The following DCAF6 variants were observed in gnomAD, a reference collection of about 807,000 sequenced individuals.
The protein encoded by DCAF6 is DDB1 and CUL4 associated factor 6, also known as DDB1- and CUL4-associated factor 6.
Under a neutral mutation model 125.1 loss-of-function variants are expected in DCAF6, and 54 were observed. The ratio of observed to expected loss-of-function variants is 0.43; its 90% CI spans 0.35 to 0.54. The LOEUF is 0.54. DCAF6 is among the 20% of genes least tolerant of loss of function. The pLI, the probability that DCAF6 is intolerant of heterozygous loss-of-function variation, is 0.01. For synonymous variants in DCAF6, 371 were observed against 390.4 expected (o/e 0.95, Z 0.58); for missense variants, 934 against 1,161.7 (o/e 0.80, Z 2.85).
At chr1:168,014,862 T>C (rs1392619394) in intron 10 of DCAF6, among the ~76,000 whole-genome samples, 1 of 152,196 alleles carries the variant, frequency 6.6e-6, no homozygotes, top group African/African-American at 2.4e-5. Flanking sequence ...TGGTGCCTTA[T>C]GAGAGAAGCT....
intron 12 of DCAF6, 51 bp from the exon 13 acceptor site, chr1:168,038,320 C>T: frequency 7.3e-7 from 1 of 1,363,238 alleles, no homozygotes; most frequent in Non-Finnish European, 1.0e-6. Flanking sequence ...GAAATGTCAT[C>T]TTTTTACTGG....
chr1:167,918,203 G>C, the DCAF6 span: 1 of 700,252 alleles, frequency 1.4e-6, no homozygotes, highest in South Asian at 2.2e-5. Context: ...TCAAGAACTA[G>C]CTACCAGTTA....
the DCAF6 span, among the ~76,000 whole-genome samples, chr1:167,874,602 G>A: frequency 2.6e-4 from 37 of 141,944 alleles, no homozygotes; most frequent in Non-Finnish European, 4.5e-4. Context: ...TCAGTCCTAC[G>A]TTTTACTCCT....
In DCAF6 at chr1:167,966,555, G is replaced by A. The variant is rs552839485; in HGVS notation, c.160-74G>A. The A allele has an allele frequency of 3.2e-4, 309 of 955,798 alleles. 3 individuals are homozygous for A. In the South Asian group the frequency reaches 3.6e-3, roughly 11 times the overall value. 59.2% of individuals were successfully genotyped at this position (955,798 alleles called of 1,614,324 possible). On this transcript the variant is annotated intron_variant, in intron 2 of 21. Transcript: ENST00000367840. ...TCATTAGTGGTAAAAATTTTGTACC[G>A]CCAGGTGAGTGAAAGATGGCATATT...
Position 167,955,870 on chromosome 1 carries a change from C to G in DCAF6, c.159+4009C>G, listed in dbSNP as rs141036819. Among the ~76,000 whole-genome samples, 47 of 152,196 alleles carry G rather than the reference C, an allele frequency of 3.1e-4. No individual in the cohort carries two copies. The East Asian group carries it at 8.9e-3, about 29-fold the overall frequency. Reference sequence around the variant, plus strand: ...CGACCTCCTGGGCTCAAGCTATCTTCCCACCTCAGCCTCCTGAGTTAGCTG... The same window carrying G: ...CGACCTCCTGGGCTCAAGCTATCTTGCCACCTCAGCCTCCTGAGTTAGCTG... On this transcript the variant is annotated intron_variant, in intron 2 of 21. Transcript: ENST00000367840.
chr1:168,022,951 T>C lies in DCAF6; in HGVS notation c.1550-37T>C, dbSNP rs963157485. On this transcript the variant is annotated intron_variant, in intron 11 of 21. Transcript: ENST00000367840. ...ATGACATTGCTGTGCAGTTTTCTGC[T>C]GCTTACTTTTAAGTTGAAATCTCAT... 4 of 1,596,464 alleles carry C rather than the reference T, an allele frequency of 2.5e-6. No homozygotes were observed. In the African/African-American group the frequency reaches 5.4e-5, roughly 21 times the overall value.
At chr1:168,042,998 G>T (rs1688741488) in intron 13 of DCAF6, 27 bp from the exon 14 acceptor site, 4 of 1,506,286 alleles carry the variant, frequency 2.7e-6, no homozygotes, top group Non-Finnish European at 3.7e-6. Context: ...CTTCTTGGTG[G>T]AATCACTTAT....
chr1:167,913,134 GGTACT>G, the DCAF6 span, among the ~76,000 whole-genome samples: 134 of 152,292 alleles, frequency 8.8e-4, no homozygotes, highest in Non-Finnish European at 1.7e-3. Context: ...GAACAGCATG[GGTACT>G]GACAAAGCGC....
chr1:167,925,442 C>CATATAT, the DCAF6 span, among the ~76,000 whole-genome samples: 4,649 of 82,060 alleles, frequency 0.057, 164 homozygotes, highest in Non-Finnish European at 0.073. Context: ...TACATATACA[C>CATATAT]ATATATATAT....
intron 17 of DCAF6, chr1:168,056,454 G>GTTTGTAAGAA: frequency 8.5e-7 from 1 of 1,173,544 alleles, no homozygotes; most frequent in Non-Finnish European, 1.1e-6. Context: ...GCAGCGCTAC[G>GTTTGTAAGAA]CCTCGGCCAC....
rs1671337963 is a variant in DCAF6 at position 167,936,966 on chromosome 1, C to T, written c.55C>T (p.Leu19Phe). 6.2e-7 allele frequency: 1 copy of T among 1,611,276 alleles called. No homozygotes were observed. The highest frequency in any genetic ancestry group is 2.2e-5 in the East Asian group (1 of 44,806). ...HLLWDVRKRS[L>F]GLEDPSRLRS... ...GTTGTGGGACGTGAGGAAAAGGTCC[C>T]TCGGGCTGGAGGACCCGTCCCGGCT... Residue 19 changes from leucine to phenylalanine, a missense_variant, in exon 1 of 22, where the codon CTC (leucine) becomes TTC (phenylalanine). Physicochemically the swap from Leu to Phe is conservative, Grantham distance 22. This residue lies in a region of DCAF6 where 309 missense variants were observed against 381.2 expected (regional missense o/e 0.81). Coordinates refer to ENST00000367840, the MANE Select transcript of DCAF6 (RefSeq NM_001198956.2).
At chr1:167,989,906 T>C (rs1182105772) in intron 5 of DCAF6, among the ~76,000 whole-genome samples, 1 of 152,000 alleles carries the variant, frequency 6.6e-6, no homozygotes. Context: ...TGAGAGTCAT[T>C]AGACAAAGCA....
chr1:168,058,408 A>T (rs1691167856), intron 17 of DCAF6, among the ~76,000 whole-genome samples: 1 of 152,258 alleles, frequency 6.6e-6, no homozygotes, highest in South Asian at 2.1e-4. Context: ...AATATTTTTT[A>T]AAAATCGTGT....
the DCAF6 span, among the ~76,000 whole-genome samples, chr1:167,908,880 C>T: frequency 6.6e-6 from 1 of 152,178 alleles, no homozygotes; most frequent in African/African-American, 2.4e-5. Flanking sequence ...ACTAGATTTA[C>T]TGCAAATTAG....
chr1:167,888,700 C>G, the DCAF6 span, among the ~76,000 whole-genome samples: 1 of 151,808 alleles, frequency 6.6e-6, no homozygotes, highest in Non-Finnish European at 1.5e-5. Flanking sequence ...CACGGTGAAA[C>G]CTCGTCTCTA....
At chr1:168,013,407 A>G (rs1367565286) in intron 10 of DCAF6, among the ~76,000 whole-genome samples, 1 of 152,210 alleles carries the variant, frequency 6.6e-6, no homozygotes, top group Non-Finnish European at 1.5e-5. Context: ...TACTCTTAGT[A>G]TCTGGAGAGG....
chr1:168,030,328 A>G (rs775847017), intron 12 of DCAF6, among the ~76,000 whole-genome samples: 6 of 152,230 alleles, frequency 3.9e-5, no homozygotes, highest in East Asian at 1.9e-4. Context: ...CATGAATAGC[A>G]TATTGCAGAG....
At chr1:167,942,433 A>G (rs937882060) in intron 1 of DCAF6, among the ~76,000 whole-genome samples, 7 of 152,208 alleles carry the variant, frequency 4.6e-5, no homozygotes, top group Non-Finnish European at 7.3e-5. Flanking sequence ...TGTCATCCAT[A>G]TAGTCTGGTT....
At chr1:167,944,767 C>T (rs904567084) in intron 1 of DCAF6, among the ~76,000 whole-genome samples, 1 of 152,170 alleles carries the variant, frequency 6.6e-6, no homozygotes, top group Admixed American at 6.5e-5. Flanking sequence ...GTTGTCTCTT[C>T]AATCTGTTAT....
Sources: allele counts gnomAD v4.1 joint callset (sites outside exome capture counted in the v4.1 genomes callset), GRCh38; gene constraint gnomAD v4.1.1; regional missense constraint gnomAD v4.1.1; transcripts MANE v1.5; gene names NCBI Gene and HGNC (gene_info 2026-07-23, HGNC 2026-07-21).